Variants in THSD7A observed in about 807,000 individuals in gnomAD.
THSD7A encodes thrombospondin type 1 domain containing 7A.
In THSD7A, 96 loss-of-function variants were observed where a neutral mutation model predicts 231.3. The ratio of observed to expected loss-of-function variants is 0.41; its 90% CI spans 0.35 to 0.49. THSD7A has a LOEUF of 0.49. THSD7A is among the 20% of genes least tolerant of loss of function. The pLI is 0.05. For synonymous variants in THSD7A, 940 were observed against 743.3 expected, an observed-to-expected ratio of 1.26 and a Z score of -4.30; for missense variants, 2,290 against 2,070.2, an observed-to-expected ratio of 1.11 and a Z score of -2.06.
intron 24 of THSD7A, 156 bp from the exon 25 acceptor site, chr7:11,379,868 C>T (rs916250491): frequency 2.6e-6 from 2 of 773,734 alleles, no homozygotes; most frequent in Non-Finnish European, 2.1e-6. Flanking sequence ...TTAACCTTGA[C>T]CACCTTATGT....
At chr7:11,529,025 C>A (rs1788592778) in intron 6 of THSD7A, among the ~76,000 whole-genome samples, 1 of 152,108 alleles carries the variant, frequency 6.6e-6, no homozygotes. Flanking sequence ...AGCTTGTTGT[C>A]TTCTAAAAAC....
At chr7:11,771,226 T>C (rs1002478585) in intron 1 of THSD7A, among the ~76,000 whole-genome samples, 1 of 151,338 alleles carries the variant, frequency 6.6e-6, no homozygotes, top group African/African-American at 2.4e-5. Context: ...ACATTGGAAT[T>C]TTTTAACTTG....
intron 26 of THSD7A, 29 bp from the exon 27 acceptor site, chr7:11,376,686 T>A: frequency 6.7e-7 from 1 of 1,497,578 alleles, no homozygotes; most frequent in Non-Finnish European, 9.1e-7. Context: ...AGTTATTAAT[T>A]TACATTAGTC....
At chr7:11,479,045 A>G (rs1310590675) in intron 7 of THSD7A, among the ~76,000 whole-genome samples, 1 of 152,204 alleles carries the variant, frequency 6.6e-6, no homozygotes. Flanking sequence ...CTGGCACATG[A>G]AGATTGTGGA....
chr7:11,730,056 T>A (rs1030625708), intron 1 of THSD7A, among the ~76,000 whole-genome samples: 8 of 151,676 alleles, frequency 5.3e-5, no homozygotes, highest in African/African-American at 1.7e-4. Flanking sequence ...GAATCTGAAA[T>A]GACTGTAACG....
intron 1 of THSD7A, among the ~76,000 whole-genome samples, chr7:11,786,826 C>G (rs2128176561): frequency 6.6e-6 from 1 of 151,096 alleles, no homozygotes; most frequent in Middle Eastern, 3.5e-3. Flanking sequence ...TGGTCTCTCT[C>G]TTCCCCTACA....
chr7:11,538,838 G>C (rs1789024547), intron 6 of THSD7A, among the ~76,000 whole-genome samples: 1 of 152,028 alleles, frequency 6.6e-6, no homozygotes, highest in Non-Finnish European at 1.5e-5. Flanking sequence ...CCTTAGAAGG[G>C]AAATGGAAAA....
chr7:11,697,779 T>C (rs755426624), intron 1 of THSD7A, among the ~76,000 whole-genome samples: 2 of 151,428 alleles, frequency 1.3e-5, no homozygotes, highest in Non-Finnish European at 3.0e-5. Context: ...CAAGAACCTG[T>C]CCAATAAGAA....
intron 1 of THSD7A, among the ~76,000 whole-genome samples, chr7:11,793,024 A>G (rs1784008097): frequency 6.6e-6 from 1 of 151,996 alleles, no homozygotes; most frequent in Non-Finnish European, 1.5e-5. Flanking sequence ...TATATGTTTA[A>G]TAAGTTATGA....
At chr7:11,562,731 T>A (rs940427359) in intron 4 of THSD7A, among the ~76,000 whole-genome samples, 8 of 152,200 alleles carry the variant, frequency 5.3e-5, no homozygotes, top group Non-Finnish European at 8.8e-5. Flanking sequence ...TTATTTTTTT[T>A]AAATTTTTTT....
At chr7:11,688,215 G>C (rs770200846) in intron 1 of THSD7A, among the ~76,000 whole-genome samples, 3 of 151,596 alleles carry the variant, frequency 2.0e-5, no homozygotes, top group Admixed American at 1.3e-4. Flanking sequence ...CTTCAACCAC[G>C]TCCCTACAAA....
At chr7:11,754,200 GAAGTAA>G (rs1182570854) in intron 1 of THSD7A, among the ~76,000 whole-genome samples, 1 of 151,964 alleles carries the variant, frequency 6.6e-6, no homozygotes, top group African/African-American at 2.4e-5. Flanking sequence ...CATGTCTAAA[GAAGTAA>G]AAGTATGAAA....
intron 6 of THSD7A, among the ~76,000 whole-genome samples, chr7:11,511,291 A>G (rs1787798272): frequency 6.6e-6 from 1 of 152,220 alleles, no homozygotes; most frequent in Non-Finnish European, 1.5e-5. Context: ...AGAGGACACA[A>G]ACAAATGGAA....
intron 17 of THSD7A, among the ~76,000 whole-genome samples, chr7:11,413,387 C>A (rs995043548): frequency 6.6e-6 from 1 of 151,982 alleles, no homozygotes; most frequent in African/African-American, 2.4e-5. Context: ...ACTGAGTTCT[C>A]GGCCTTTAGG....
At chr7:11,592,241 A>G (rs373755583) in intron 3 of THSD7A, among the ~76,000 whole-genome samples, 104 of 152,294 alleles carry the variant, frequency 6.8e-4, no homozygotes, top group Middle Eastern at 3.4e-3. Context: ...GCAGAATTAT[A>G]TATCTGGTAT....
At chr7:11,467,012 A>C (rs943858754) in intron 9 of THSD7A, among the ~76,000 whole-genome samples, 7 of 152,058 alleles carry the variant, frequency 4.6e-5, no homozygotes, top group Non-Finnish European at 7.4e-5. Flanking sequence ...AACACGATTC[A>C]GTTTTTCATT....
chr7:11,720,035 C>A (rs1781292240), intron 1 of THSD7A, among the ~76,000 whole-genome samples: 1 of 151,732 alleles, frequency 6.6e-6, no homozygotes, highest in African/African-American at 2.4e-5. Context: ...TTTTGTCACA[C>A]CTGCATGGCA....
chr7:11,461,564 C>T (rs940234746), intron 10 of THSD7A, among the ~76,000 whole-genome samples: 1 of 152,084 alleles, frequency 6.6e-6, no homozygotes. Context: ...GCCATCTTAC[C>T]AGCATCATTG....
intron 4 of THSD7A, among the ~76,000 whole-genome samples, chr7:11,577,754 G>C (rs1790980112): frequency 6.6e-6 from 1 of 151,848 alleles, no homozygotes; most frequent in Admixed American, 6.6e-5. Flanking sequence ...GGGGCAGATG[G>C]AACAGCGTGG....
Sources: allele counts gnomAD v4.1 joint callset (sites outside exome capture counted in the v4.1 genomes callset), GRCh38; gene constraint gnomAD v4.1.1; transcripts MANE v1.5; gene names NCBI Gene and HGNC (gene_info 2026-07-23, HGNC 2026-07-21).